ANK2: variants seen among roughly 807,000 people sequenced by gnomAD.
ANK2 encodes the protein ankyrin 2, also known as ankyrin-2.
Under a neutral mutation model 360.5 loss-of-function variants are expected in ANK2, and 83 were observed. The observed-to-expected ratio is 0.23, with a 90% confidence interval of 0.19 to 0.28. ANK2 has a LOEUF of 0.28. Among genes scored for constraint, ANK2 ranks in the 10% least tolerant of loss-of-function variants. ANK2 has a pLI of 1.00. For missense variants in ANK2, 4,201 were observed against 4,795.7 expected (o/e 0.88, Z 3.66); for synonymous variants, 1,740 against 1,759.5 (o/e 0.99, Z 0.28).
At chr4:112,725,427 C>T in the ANK2 span, among the ~76,000 whole-genome samples, 1 of 125,286 alleles carries the variant, frequency 8.0e-6, no homozygotes, top group Non-Finnish European at 1.6e-5. Context: ...GTGGCGCCAT[C>T]TCGGCTCACT....
At chr4:112,893,328 A>T (rs937092171) in intron 1 of ANK2, among the ~76,000 whole-genome samples, 43 of 140,652 alleles carry the variant, frequency 3.1e-4, no homozygotes, top group African/African-American at 6.6e-4. Flanking sequence ...TTAATTTTTT[A>T]AAAAAATATT....
chr4:113,373,264 C>A (rs758417926), intron 44 of ANK2, 21 bp from the exon 45 acceptor site: 11 of 1,613,878 alleles, frequency 6.8e-6, no homozygotes, highest in Non-Finnish European at 9.3e-6. Context: ...AAATAAGATA[C>A]ACAAATGAAA....
intron 35 of ANK2, 31 bp downstream of exon 35, chr4:113,346,053 G>T: frequency 1.2e-6 from 2 of 1,611,078 alleles, no homozygotes; most frequent in South Asian, 2.2e-5. Context: ...GTGCAATTCA[G>T]GTAGAGTAGG....
intron 38 of ANK2, among the ~76,000 whole-genome samples, chr4:113,359,818 G>A (rs2096082989): frequency 6.6e-6 from 1 of 152,164 alleles, no homozygotes; most frequent in Non-Finnish European, 1.5e-5. Context: ...TTTTGATTCA[G>A]AAAGGTTGGA....
At chr4:113,184,648 A>G (rs527977791) in intron 2 of ANK2, among the ~76,000 whole-genome samples, 2 of 152,242 alleles carry the variant, frequency 1.3e-5, no homozygotes, top group Admixed American at 6.5e-5. Flanking sequence ...CTTTTGCAGT[A>G]GCTGAGATTT....
chr4:112,899,129 T>C (rs973909642), intron 1 of ANK2, among the ~76,000 whole-genome samples: 2 of 152,186 alleles, frequency 1.3e-5, no homozygotes, highest in Non-Finnish European at 2.9e-5. Context: ...ATTGTTTTTA[T>C]TTAACAATGA....
In ANK2 at chr4:113,317,755, C is replaced by T. The variant is rs2153836430; in HGVS notation, c.2742C>T (p.Ser914=). 1 of 1,614,172 alleles carries T rather than the reference C, an allele frequency of 6.2e-7. No individual in the cohort carries two copies. Among genetic ancestry groups the T allele is most frequent in the South Asian group, 1.1e-5 (1 of 91,074 alleles). The change falls in exon 25 of 46, where the codon TCC becomes TCT. Residue 914 remains serine, a synonymous_variant. Coordinates refer to ENST00000357077, the MANE Select transcript of ANK2 (RefSeq NM_001148.6). ...GGTCTCACACTCTGAGCCATGCCTC[C>T]TACCTGAGGGACAGTGCCGTGATGG... ...SDRSHTLSHA[S]YLRDSAVMDD...
chr4:112,885,375 T>C (rs145075271), intron 1 of ANK2, among the ~76,000 whole-genome samples: 1 of 151,718 alleles, frequency 6.6e-6, no homozygotes, highest in Admixed American at 6.6e-5. Context: ...GGCACGCGCC[T>C]GTAATCCCAG....
intron 1 of ANK2, among the ~76,000 whole-genome samples, chr4:113,153,272 G>A (rs915904442): frequency 6.6e-6 from 1 of 152,080 alleles, no homozygotes; most frequent in African/African-American, 2.4e-5. Context: ...TAATATATTA[G>A]AACTAGAGCT....
intron 2 of ANK2, among the ~76,000 whole-genome samples, chr4:112,932,722 T>A (rs72669685): frequency 0.029 from 4,351 of 152,096 alleles, 90 homozygotes; most frequent in South Asian, 0.06. Context: ...ATTTCACTCT[T>A]CAAAGATCTC....
chr4:112,899,150 T>C (rs2082567565), intron 1 of ANK2, among the ~76,000 whole-genome samples: 1 of 152,174 alleles, frequency 6.6e-6, no homozygotes, highest in African/African-American at 2.4e-5. Context: ...GTGAAAGCAA[T>C]AGTACAAAGA....
rs763685255 is a variant in ANK2 at position 113,311,204 on chromosome 4, T to C, written c.2549-51T>C. ...TCACAATCATGACCATATGTTGTAG[T>C]TGATATTACATTCAAGAAATAATCC... On this transcript the variant is annotated intron_variant, in intron 23 of 45. Coordinates refer to ENST00000357077, the MANE Select transcript of ANK2 (RefSeq NM_001148.6). 2.5e-6 allele frequency: 4 copies of C among 1,610,968 alleles called. No homozygotes were observed. In the African/African-American group the frequency reaches 4.0e-5, roughly 16 times the overall value.
intron 2 of ANK2, among the ~76,000 whole-genome samples, chr4:113,183,759 G>T (rs1470972410): frequency 6.6e-6 from 1 of 151,914 alleles, no homozygotes; most frequent in African/African-American, 2.4e-5. Flanking sequence ...AGCGGATAAG[G>T]TAGAGAAAAG....
At chr4:113,149,372 T>C (rs975184158) in intron 1 of ANK2, among the ~76,000 whole-genome samples, 1 of 152,146 alleles carries the variant, frequency 6.6e-6, no homozygotes, top group African/African-American at 2.4e-5. Flanking sequence ...TTCCTTCAGT[T>C]TTGAACTCTA....
chr4:112,970,590 G>A (rs2039166403), intron 2 of ANK2, among the ~76,000 whole-genome samples: 1 of 152,120 alleles, frequency 6.6e-6, no homozygotes, highest in African/African-American at 2.4e-5. Context: ...TCCTGACCTT[G>A]TAATCTGCCT....
chr4:113,285,363 C>T (rs531845186), intron 18 of ANK2, among the ~76,000 whole-genome samples: 1 of 152,294 alleles, frequency 6.6e-6, no homozygotes, highest in South Asian at 2.1e-4. Flanking sequence ...GTCCCCAAGA[C>T]TGCCCTCTGC....
rs1327118343 is a variant in ANK2, at chr4:113,359,274, T to G, written c.10656T>G (p.Asp3552Glu). 2 of 1,613,814 alleles carry G rather than the reference T, an allele frequency of 1.2e-6. No homozygotes were observed. The highest frequency in any genetic ancestry group is 1.7e-6 in the Non-Finnish European group (2 of 1,179,872). Residue 3552 changes from aspartate to glutamate, a missense_variant, in exon 38 of 46, where the codon GAT becomes GAG. Physicochemically the swap from Asp to Glu is conservative, Grantham distance 45. Coordinates refer to ENST00000357077, the MANE Select transcript of ANK2 (RefSeq NM_001148.6). The part of the protein sequence containing the change: ...SIETLIERIP[D>E]ENGHDHAEDP... ...AGACTCTGATTGAACGCATCCCTGA[T>G]GAAAATGGCCATGACCATGCTGAAG... is the stretch of plus-strand genomic sequence containing the variant.
intron 2 of ANK2, among the ~76,000 whole-genome samples, chr4:113,017,944 A>T (rs1032913): frequency 6.6e-6 from 1 of 152,108 alleles, no homozygotes; most frequent in African/African-American, 2.4e-5. Flanking sequence ...TGTGGTGGGT[A>T]TAAGAGCAGA....
the ANK2 span, among the ~76,000 whole-genome samples, chr4:112,711,533 C>T: frequency 6.6e-6 from 1 of 151,564 alleles, no homozygotes; most frequent in African/African-American, 2.4e-5. Flanking sequence ...AAAAACACAA[C>T]AGGCCGGGCA....
Sources: gnomAD v4.1 joint callset for allele counts (sites outside exome capture counted in the v4.1 genomes callset) on GRCh38, gnomAD v4.1.1 for gene constraint, MANE v1.5 for transcripts, NCBI Gene and HGNC (gene_info 2026-07-23, HGNC 2026-07-21) for gene names.